The following TIAM2 variants were observed in gnomAD, a reference collection of about 807,000 sequenced individuals.
The protein encoded by TIAM2 is TIAM Rac1 associated GEF 2.
In TIAM2, 80 loss-of-function variants were observed where a neutral mutation model predicts 152.9. That is an observed-to-expected ratio of 0.52 (90% CI 0.44 to 0.63). TIAM2 has a LOEUF of 0.63. Among genes scored for constraint, TIAM2 ranks in the 30% least tolerant of loss-of-function variants. The probability of loss-of-function intolerance (pLI) is 0.00; values close to 1 mark genes in which losing one functional copy is unlikely to be tolerated. For synonymous variants in TIAM2, 804 were observed against 838.0 expected, an observed-to-expected ratio of 0.96 and a Z score of 0.70; for missense variants, 1,965 against 2,120.1, an observed-to-expected ratio of 0.93 and a Z score of 1.44.
At chr6:155,100,309 C>T (rs916898115) in intron 2 of TIAM2, among the ~76,000 whole-genome samples, 3 of 152,118 alleles carry the variant, frequency 2.0e-5, no homozygotes, top group Non-Finnish European at 2.9e-5. Flanking sequence ...GCCAGCACGG[C>T]GGCACTGCAG....
At chr6:155,139,121 C>G (rs1222983851) in intron 5 of TIAM2, among the ~76,000 whole-genome samples, 1 of 152,200 alleles carries the variant, frequency 6.6e-6, no homozygotes, top group Non-Finnish European at 1.5e-5. Flanking sequence ...TTCCCTGTCA[C>G]AGGAGAGAGC....
At chr6:155,133,671 A>G (rs540301597) in intron 4 of TIAM2, among the ~76,000 whole-genome samples, 1 of 151,516 alleles carries the variant, frequency 6.6e-6, no homozygotes, top group Non-Finnish European at 1.5e-5. Flanking sequence ...ACTATTTCAG[A>G]TTCCACGTAT....
chr6:155,057,423 A>G (rs974588578), intron 1 of TIAM2, among the ~76,000 whole-genome samples: 3 of 151,950 alleles, frequency 2.0e-5, no homozygotes, highest in Non-Finnish European at 2.9e-5. Context: ...GTGATATCAC[A>G]GGTGCATACT....
chr6:155,079,542 T>A (rs935711944), intron 1 of TIAM2, among the ~76,000 whole-genome samples: 2 of 152,230 alleles, frequency 1.3e-5, no homozygotes, highest in African/African-American at 4.8e-5. Flanking sequence ...TTACTGTATG[T>A]GAAATGACTG....
intron 1 of TIAM2, among the ~76,000 whole-genome samples, chr6:155,014,549 G>C (rs549846020): frequency 4.6e-5 from 7 of 152,254 alleles, no homozygotes; most frequent in Admixed American, 1.3e-4. Flanking sequence ...GTAATTGTAA[G>C]ATGATTCTTT....
rs773674754 is a variant in TIAM2 at position 155,257,053 on chromosome 6, G to A, written c.5038G>A (p.Val1680Ile). The change falls in exon 27 of 27, where the codon GTC (valine) becomes ATC (isoleucine). Residue 1680 changes from valine (V) to isoleucine (I), a missense_variant. Val to Ile is a conservative substitution (Grantham distance 29, BLOSUM62 3). This residue lies in a region of TIAM2 where 935 missense variants were observed against 980.0 expected (regional missense o/e 0.95). Transcript: ENST00000682666. The stretch of plus-strand genomic sequence containing the variant: ...TTCTGTTCTAGAGCGAGAATTCAGT[G>A]TCCAGAGTTTAACATCTGTTGTCAG... ...LNSVLEREFSVQSLTSVVSEE... is the reference protein window; with the variant it reads ...LNSVLEREFSIQSLTSVVSEE... 6.8e-6 allele frequency: 11 copies of A among 1,614,050 alleles called. No homozygotes were observed. The Admixed American group carries it at 1.5e-4, about 22-fold the overall frequency.
chr6:155,227,041 T>C (rs1225330561), intron 15 of TIAM2, among the ~76,000 whole-genome samples: 1 of 152,220 alleles, frequency 6.6e-6, no homozygotes, highest in Non-Finnish European at 1.5e-5. Context: ...ACTAGAAGGA[T>C]TTTCCCTCCT....
At chr6:155,154,192 C>T (rs1479907629) in intron 7 of TIAM2, among the ~76,000 whole-genome samples, 2 of 152,120 alleles carry the variant, frequency 1.3e-5, no homozygotes, top group Non-Finnish European at 2.9e-5. Flanking sequence ...AATAAATATA[C>T]ATTTATTTAT....
chr6:155,002,731 A>C (rs1778332990), intron 1 of TIAM2, among the ~76,000 whole-genome samples: 1 of 138,472 alleles, frequency 7.2e-6, no homozygotes, highest in Admixed American at 7.9e-5. Flanking sequence ...CTCAGGCTGG[A>C]GTGCAGTGGT....
chr6:155,067,784 GGTAT>G, intron 1 of TIAM2, among the ~76,000 whole-genome samples: 1 of 152,058 alleles, frequency 6.6e-6, no homozygotes, highest in Non-Finnish European at 1.5e-5. Context: ...TGGGACTACA[GGTAT>G]GCACCACCAC....
chr6:155,099,349 A>G (rs1011259464), intron 2 of TIAM2, among the ~76,000 whole-genome samples: 8 of 151,980 alleles, frequency 5.3e-5, no homozygotes, highest in African/African-American at 1.7e-4. Context: ...AAAAGTTTAT[A>G]TTAGGGAATT....
At chr6:155,048,857 G>A (rs1007918667) in intron 1 of TIAM2, among the ~76,000 whole-genome samples, 2 of 151,580 alleles carry the variant, frequency 1.3e-5, no homozygotes, top group Non-Finnish European at 2.9e-5. Context: ...CTGGAGTGCA[G>A]TGGTGCAATC....
intron 4 of TIAM2, 140 bp downstream of exon 4, chr6:155,130,557 G>A: frequency 2.7e-6 from 2 of 742,250 alleles, no homozygotes; most frequent in Non-Finnish European, 2.2e-6. Context: ...TGGAAAGCCT[G>A]GCTCATCTCA....
chr6:155,212,885 T>C (rs567452690), intron 15 of TIAM2, among the ~76,000 whole-genome samples: 2 of 152,318 alleles, frequency 1.3e-5, no homozygotes, highest in South Asian at 4.1e-4. Context: ...AGGCAGCAGC[T>C]GCAGGCTCTA....
At chr6:155,196,414 G>A (rs560228850) in intron 14 of TIAM2, among the ~76,000 whole-genome samples, 249 of 152,156 alleles carry the variant, frequency 1.6e-3, no homozygotes, top group Non-Finnish European at 1.9e-3. Flanking sequence ...TCCATAAGAG[G>A]TATCAAAATT....
At chr6:155,195,971 T>C (rs956868574) in intron 14 of TIAM2, among the ~76,000 whole-genome samples, 9 of 152,148 alleles carry the variant, frequency 5.9e-5, no homozygotes, top group South Asian at 2.1e-4. Context: ...GGTCCATTTA[T>C]TGGAGGGAAG....
chr6:155,252,078 C>A, intron 23 of TIAM2, 75 bp downstream of exon 23: 1 of 1,219,044 alleles, frequency 8.2e-7, no homozygotes, highest in Non-Finnish European at 1.2e-6. Flanking sequence ...AACTGAAAAG[C>A]CCACTGAGCA....
At chr6:155,022,659 C>G (rs9371846) in intron 1 of TIAM2, 25,423 of 152,188 alleles carry the variant, frequency 0.17, 2,311 homozygotes, top group East Asian at 0.32. Context: ...TAAGGAGAAA[C>G]TCACAAGCAA....
chr6:155,182,491 C>T lies in TIAM2; in HGVS notation c.2800+173C>T, dbSNP rs995629951. Among the ~76,000 whole-genome samples the T allele has an allele frequency of 1.0e-3, 156 of 152,276 alleles. 1 individual carries two copies. The highest frequency in any genetic ancestry group is 3.6e-3 in the African/African-American group (148 of 41,538). Reference sequence around the variant, plus strand: ...ATGCGACCAAACACAGCGGCTCGCTCGCATAAACCCAGCTGCTCAGGAGGC... The same window carrying T: ...ATGCGACCAAACACAGCGGCTCGCTTGCATAAACCCAGCTGCTCAGGAGGC... On this transcript the variant is annotated intron_variant, in intron 13 of 26. Coordinates refer to ENST00000682666, the MANE Select transcript of TIAM2 (RefSeq NM_012454.4).
Sources: gnomAD v4.1 joint callset for allele counts (sites outside exome capture counted in the v4.1 genomes callset) on GRCh38, gnomAD v4.1.1 for gene constraint, gnomAD v4.1.1 regional missense constraint, MANE v1.5 for transcripts, NCBI Gene and HGNC (gene_info 2026-07-23, HGNC 2026-07-21) for gene names.